Variants in ZBTB37 observed in about 807,000 individuals in gnomAD.
ZBTB37 encodes the protein zinc finger and BTB domain-containing protein 37.
ZBTB37 carries 15 observed loss-of-function variants against 37.7 expected under a neutral mutation model. The observed-to-expected ratio is 0.40, with a 90% confidence interval of 0.27 to 0.61. ZBTB37 has a LOEUF of 0.61. Ranked by LOEUF, ZBTB37 falls within the 20% of genes least tolerant of loss-of-function variation. ZBTB37 has a pLI of 0.44. For missense variants in ZBTB37, 514 were observed against 641.9 expected, an observed-to-expected ratio of 0.80 and a Z score of 2.15; for synonymous variants, 231 against 220.6, an observed-to-expected ratio of 1.05 and a Z score of -0.42.
downstream of ZBTB37, chr1:173,890,736 G>C (rs1237887826): frequency 1.3e-5 from 2 of 152,170 alleles, no homozygotes; most frequent in African/African-American, 4.8e-5. Flanking sequence ...GAGGCTACTT[G>C]CTTGTGTAAA....
chr1:173,870,144 C>A, intron 2 of ZBTB37, 56 bp from the exon 3 acceptor site: 1 of 1,229,600 alleles, frequency 8.1e-7, no homozygotes, highest in Non-Finnish European at 1.1e-6. Flanking sequence ...AAATGGAAAC[C>A]ATCCGGGAAG....
chr1:173,902,874 G>A (rs1657323041), exon 4 of ZBTB37: 1 of 152,072 alleles, frequency 6.6e-6, no homozygotes, highest in Admixed American at 6.6e-5. Context: ...ACTTTTAAGT[G>A]GCCCCCACTC....
chr1:173,900,910 C>T (rs1473464616), exon 4 of ZBTB37: 2 of 152,154 alleles, frequency 1.3e-5, no homozygotes, highest in African/African-American at 2.4e-5. Flanking sequence ...TTGTGGAGTA[C>T]TGTGAAACAT....
At chr1:173,881,451 A>C (rs1656300845) in intron 4 of ZBTB37, among the ~76,000 whole-genome samples, 1 of 152,212 alleles carries the variant, frequency 6.6e-6, no homozygotes, top group Non-Finnish European at 1.5e-5. Flanking sequence ...ATGATTTATA[A>C]TCCTTTGGGT....
chr1:173,878,906 T>G (rs967333865), intron 4 of ZBTB37, among the ~76,000 whole-genome samples: 5 of 152,006 alleles, frequency 3.3e-5, no homozygotes, highest in Admixed American at 1.3e-4. Flanking sequence ...CTGGCTAACA[T>G]GGTGAAACCC....
chr1:173,880,509 A>G (rs1366209698), intron 4 of ZBTB37, among the ~76,000 whole-genome samples: 2 of 152,216 alleles, frequency 1.3e-5, no homozygotes, highest in African/African-American at 4.8e-5. Flanking sequence ...TATAAATTAT[A>G]TGGAGTAATT....
chr1:173,903,154 C>T (rs1557899754), exon 4 of ZBTB37: 2 of 151,942 alleles, frequency 1.3e-5, no homozygotes, highest in Admixed American at 1.3e-4. Context: ...TCAGTCTCTC[C>T]TCCTGTAAGA....
intron 4 of ZBTB37, among the ~76,000 whole-genome samples, chr1:173,881,669 T>A (rs1191666451): frequency 1.3e-5 from 2 of 152,188 alleles, no homozygotes; most frequent in Admixed American, 6.5e-5. Context: ...AGATGGTATC[T>A]CATTGTGGTT....
chr1:173,875,259 C>G (rs1007559330), intron 4 of ZBTB37, among the ~76,000 whole-genome samples: 1 of 135,240 alleles, frequency 7.4e-6, no homozygotes, highest in African/African-American at 3.7e-5. Context: ...GTAGTATACA[C>G]ACACACACAG....
At chr1:173,870,066 T>G (rs1285839537) in intron 2 of ZBTB37, 134 bp from the exon 3 acceptor site, 3 of 609,302 alleles carry the variant, frequency 4.9e-6, no homozygotes, top group Non-Finnish European at 8.1e-6. Context: ...CATCTAAATA[T>G]AAGGAAGGTA....
chr1:173,899,638 T>G (rs1657183104), exon 4 of ZBTB37: 2 of 152,208 alleles, frequency 1.3e-5, no homozygotes, highest in Non-Finnish European at 2.9e-5. Context: ...TCTAGACATT[T>G]ACATTTTATT....
At chr1:173,875,255 TACAC>T (rs66717477) in intron 4 of ZBTB37, among the ~76,000 whole-genome samples, 8,328 of 149,924 alleles carry the variant, frequency 0.056, 754 homozygotes, top group African/African-American at 0.19. Flanking sequence ...ATGCGTAGTA[TACAC>T]ACACACACAG....
In ZBTB37 at chr1:173,900,083, A is replaced by C. The variant is rs548712120; in HGVS notation, c.*13959A>C. 4 of 152,322 alleles carry C rather than the reference A, an allele frequency of 2.6e-5. No individual in the cohort carries two copies. The South Asian group carries it at 8.3e-4, about 32-fold the overall frequency. The allele number at this position is 152,322 out of a possible 1,614,324, so 9.4% of individuals were successfully genotyped here. On this transcript the variant is annotated 3_prime_UTR_variant, in exon 4 of 4. Transcript: ENST00000367701. The stretch of plus-strand genomic sequence containing the variant: ...TGCTTACAGCAATTTCTATTTGTAA[A>C]ATAAACAGGTGGCATTGTTAATGGA...
At chr1:173,881,160 T>C (rs1480541821) in intron 4 of ZBTB37, among the ~76,000 whole-genome samples, 1 of 150,400 alleles carries the variant, frequency 6.6e-6, no homozygotes, top group Admixed American at 6.7e-5. Flanking sequence ...TGTGTCCAAG[T>C]GTTCTCATTG....
chr1:173,902,652 C>T (rs1657309962), exon 4 of ZBTB37: 1 of 152,108 alleles, frequency 6.6e-6, no homozygotes, highest in Admixed American at 6.5e-5. Flanking sequence ...TCTCACCCAA[C>T]CCTACTTTAA....
At chr1:173,898,343 C>A (rs560574692) in exon 4 of ZBTB37, 1 of 152,110 alleles carries the variant, frequency 6.6e-6, no homozygotes, top group Admixed American at 6.6e-5. Flanking sequence ...CATCTGTAAT[C>A]CCAGCTACTC....
intron 4 of ZBTB37, among the ~76,000 whole-genome samples, chr1:173,877,373 C>CTTT (rs58043559): frequency 1.8e-3 from 154 of 87,444 alleles, no homozygotes; most frequent in Non-Finnish European, 2.4e-3. Context: ...GATTTTCTTT[C>CTTT]TTTTTTTTTT....
At chr1:173,894,617 T>A (rs1656973147) in exon 4 of ZBTB37, 1 of 152,120 alleles carries the variant, frequency 6.6e-6, no homozygotes, top group South Asian at 2.1e-4. Flanking sequence ...AGGCCAGGCC[T>A]AGAATTATCA....
downstream of ZBTB37, chr1:173,890,124 G>A (rs1040793240): frequency 1.3e-5 from 2 of 152,150 alleles, no homozygotes; most frequent in African/African-American, 4.8e-5. Flanking sequence ...TCAGCCTCCT[G>A]AGGAGCTGGG....
Sources: allele counts gnomAD v4.1 joint callset (sites outside exome capture counted in the v4.1 genomes callset), GRCh38; gene constraint gnomAD v4.1.1; transcripts MANE v1.5; gene names NCBI Gene and HGNC (gene_info 2026-07-23, HGNC 2026-07-21).